PABPC4L: variants seen among roughly 807,000 people sequenced by gnomAD.
PABPC4L encodes the protein poly(A) binding protein cytoplasmic 4 like.
For missense variants in PABPC4L, 452 were observed against 451.4 expected (o/e 1.00, Z -0.01); for synonymous variants, 169 against 164.1 (o/e 1.03, Z -0.23).
At chr4:133,963,070 AACTG>A in the PABPC4L span, among the ~76,000 whole-genome samples, 1 of 152,226 alleles carries the variant, frequency 6.6e-6, no homozygotes, top group African/African-American at 2.4e-5. Flanking sequence ...AGAATTCACC[AACTG>A]ACTATCTGCT....
the PABPC4L span, among the ~76,000 whole-genome samples, chr4:134,127,385 C>T: frequency 1.3e-5 from 2 of 152,052 alleles, no homozygotes; most frequent in Non-Finnish European, 2.9e-5. Context: ...AATGAGGACC[C>T]TCACAGAGTC....
the PABPC4L span, among the ~76,000 whole-genome samples, chr4:133,951,485 G>A: frequency 1.5e-4 from 23 of 152,132 alleles, no homozygotes; most frequent in African/African-American, 3.6e-4. Context: ...GTCAGATTTC[G>A]ACTCTCCTCT....
the PABPC4L span, among the ~76,000 whole-genome samples, chr4:134,086,369 G>C: frequency 6.6e-6 from 1 of 151,922 alleles, no homozygotes; most frequent in Non-Finnish European, 1.5e-5. Flanking sequence ...TCCCCTAAAG[G>C]CAGCACTTTG....
At chr4:133,950,595 G>A in the PABPC4L span, among the ~76,000 whole-genome samples, 1 of 152,010 alleles carries the variant, frequency 6.6e-6, no homozygotes, top group Non-Finnish European at 1.5e-5. Flanking sequence ...CTCCCATCAG[G>A]GAGCACCCAT....
chr4:134,061,190 C>G, the PABPC4L span, among the ~76,000 whole-genome samples: 1 of 151,710 alleles, frequency 6.6e-6, no homozygotes, highest in Non-Finnish European at 1.5e-5. Context: ...TCATGTAACA[C>G]ATCAATATAT....
chr4:134,089,998 G>T, the PABPC4L span, among the ~76,000 whole-genome samples: 5 of 152,060 alleles, frequency 3.3e-5, no homozygotes, highest in African/African-American at 1.2e-4. Flanking sequence ...CAAGAAAAGA[G>T]AAGGGTGAGA....
chr4:133,955,881 A>G, the PABPC4L span, among the ~76,000 whole-genome samples: 1 of 152,196 alleles, frequency 6.6e-6, no homozygotes, highest in Admixed American at 6.5e-5. Context: ...GAGTCTTACA[A>G]AATAAACCTG....
chr4:134,078,778 G>A, the PABPC4L span, among the ~76,000 whole-genome samples: 3 of 150,322 alleles, frequency 2.0e-5, no homozygotes, highest in Admixed American at 6.6e-5. Context: ...TCAGCCTCCA[G>A]AGTAGCTGGG....
chr4:134,145,332 A>C, the PABPC4L span, among the ~76,000 whole-genome samples: 1 of 151,938 alleles, frequency 6.6e-6, no homozygotes, highest in African/African-American at 2.4e-5. Flanking sequence ...GAAAAGAAAA[A>C]GATTGGGAAA....
chr4:134,046,672 C>CA, the PABPC4L span, among the ~76,000 whole-genome samples: 1 of 152,130 alleles, frequency 6.6e-6, no homozygotes, highest in Non-Finnish European at 1.5e-5. Context: ...CTTTCTTGGG[C>CA]AGAGGTCCCT....
the PABPC4L span, among the ~76,000 whole-genome samples, chr4:134,050,267 C>T: frequency 6.6e-5 from 10 of 152,104 alleles, no homozygotes; most frequent in South Asian, 6.2e-4. Context: ...TTTTAATATA[C>T]GTATTGAACA....
Position 134,199,136 on chromosome 4 carries a change from T to C in PABPC4L, c.*771A>G, listed in dbSNP as rs1729761574. On this transcript the variant is annotated 3_prime_UTR_variant, in exon 2 of 2. Coordinates refer to ENST00000421491, the MANE Select transcript of PABPC4L (RefSeq NM_001114734.2). ...AAGAGATTTAAGACCAGGCCAACTTTGGATCACCTGAGTTGATAACAGATT... is the reference window on the plus strand; with the variant it reads ...AAGAGATTTAAGACCAGGCCAACTTCGGATCACCTGAGTTGATAACAGATT... The C allele has an allele frequency of 6.6e-6, 1 of 152,068 alleles. No homozygotes were observed. Among genetic ancestry groups the C allele is most frequent in the African/African-American group, 2.4e-5 (1 of 41,446 alleles). 9.4% of individuals were successfully genotyped at this position (152,068 alleles called of 1,614,324 possible). A position where few individuals can be genotyped will look rare whatever the true frequency, so the allele number is the denominator to read the frequency against.
the PABPC4L span, among the ~76,000 whole-genome samples, chr4:133,975,566 G>A: frequency 1.3e-5 from 2 of 151,972 alleles, no homozygotes; most frequent in Admixed American, 1.3e-4. Context: ...ACATTCTTTG[G>A]TAAAGATACA....
At chr4:134,016,533 T>G in the PABPC4L span, among the ~76,000 whole-genome samples, 1 of 152,102 alleles carries the variant, frequency 6.6e-6, no homozygotes, top group African/African-American at 2.4e-5. Context: ...TATCCCTCAC[T>G]TTCAGTTTTT....
the PABPC4L span, among the ~76,000 whole-genome samples, chr4:134,110,686 A>C: frequency 1.3e-5 from 2 of 151,724 alleles, no homozygotes; most frequent in African/African-American, 4.8e-5. Flanking sequence ...CCCTGATATA[A>C]AATTGCATAA....
At chr4:134,006,354 T>G in the PABPC4L span, among the ~76,000 whole-genome samples, 1 of 151,926 alleles carries the variant, frequency 6.6e-6, no homozygotes, top group African/African-American at 2.4e-5. Context: ...ATGCTTCTAG[T>G]ACTATAATCT....
the PABPC4L span, among the ~76,000 whole-genome samples, chr4:134,081,533 G>T: frequency 6.6e-6 from 1 of 152,194 alleles, no homozygotes; most frequent in East Asian, 1.9e-4. Flanking sequence ...TAAGGAATCT[G>T]GCTCAGGACT....
chr4:134,053,162 T>C, the PABPC4L span, among the ~76,000 whole-genome samples: 1 of 152,094 alleles, frequency 6.6e-6, no homozygotes, highest in Non-Finnish European at 1.5e-5. Context: ...TAGTTCAACA[T>C]CAACAAATTT....
chr4:134,045,331 A>G, the PABPC4L span, among the ~76,000 whole-genome samples: 2 of 152,262 alleles, frequency 1.3e-5, no homozygotes, highest in East Asian at 1.9e-4. Context: ...CTCCTCTTCA[A>G]AGTGCAGATA....
Sources: allele counts gnomAD v4.1 joint callset (sites outside exome capture counted in the v4.1 genomes callset), GRCh38; gene constraint gnomAD v4.1.1; transcripts MANE v1.5; gene names NCBI Gene and HGNC (gene_info 2026-07-23, HGNC 2026-07-21).